Variants in SEMA3E observed in about 807,000 individuals in gnomAD.
SEMA3E encodes the protein semaphorin-3E.
A neutral mutation model predicts 93.6 loss-of-function variants in SEMA3E; 49 were observed. The observed-to-expected ratio is 0.52, with a 90% CI of 0.42 to 0.66. SEMA3E has a LOEUF of 0.66. SEMA3E is among the 30% of genes least tolerant of loss of function. SEMA3E has a pLI of 0.00. For missense variants in SEMA3E, 906 were observed against 964.8 expected (o/e 0.94, Z 0.81); for synonymous variants, 363 against 330.7 (o/e 1.10, Z -1.06).
chr7:83,372,553 TA>T (rs908098717), intron 16 of SEMA3E: 16 of 304,420 alleles, frequency 5.3e-5, no homozygotes, highest in Middle Eastern at 8.8e-4. Context: ...AAGCAGGGTT[TA>T]AAAAAAATCA....
chr7:83,581,223 C>A (rs1251469604), intron 1 of SEMA3E, among the ~76,000 whole-genome samples: 3 of 151,976 alleles, frequency 2.0e-5, no homozygotes, highest in African/African-American at 4.8e-5. Context: ...TAAAACTCAA[C>A]ACGTATTTAC....
rs1474345836 is a variant in SEMA3E at position 83,566,181 on chromosome 7, T to G, written c.116-75907A>C. On this transcript the variant is annotated intron_variant, in intron 1 of 16. Coordinates refer to ENST00000643230, the MANE Select transcript of SEMA3E (RefSeq NM_012431.3). ...CCTGGCTATTTTTTTTTTTTTTTTG[T>G]ACTTTTAGTAGAGACGGGGTTTTAC... Among the ~76,000 whole-genome samples, 48 of 144,782 alleles carry G rather than the reference T, an allele frequency of 3.3e-4. 3 individuals carry two copies. The East Asian group carries it at 9.4e-3, about 28-fold the overall frequency. 95.0% of individuals were successfully genotyped at this position (144,782 alleles called of 152,430 possible).
At chr7:83,442,634 C>T (rs1018129797) in intron 4 of SEMA3E, among the ~76,000 whole-genome samples, 2 of 152,140 alleles carry the variant, frequency 1.3e-5, no homozygotes, top group Admixed American at 6.5e-5. Context: ...CTGCTATACT[C>T]GGGGTCAGGT....
At chr7:83,594,924 G>A (rs80106903) in intron 1 of SEMA3E, among the ~76,000 whole-genome samples, 40,529 of 150,548 alleles carry the variant, frequency 0.27, 5,878 homozygotes, top group East Asian at 0.39. Context: ...TTATGTTTGG[G>A]GAGGGCTGAG....
intron 16 of SEMA3E, among the ~76,000 whole-genome samples, chr7:83,372,492 A>C (rs375372978): frequency 6.6e-6 from 1 of 152,162 alleles, no homozygotes; most frequent in East Asian, 1.9e-4. Context: ...TGACCACTAG[A>C]ATTAGGGTTG....
chr7:83,545,855 A>T (rs1791639472), intron 1 of SEMA3E, among the ~76,000 whole-genome samples: 2 of 146,336 alleles, frequency 1.4e-5, no homozygotes, highest in South Asian at 4.2e-4. Context: ...AGTATGACGG[A>T]TATCTATATA....
rs908197392 is a variant in SEMA3E at position 83,367,232 on chromosome 7, T to G, written c.*354A>C. 4.2e-6 allele frequency: 1 copy of G among 236,000 alleles called. No homozygotes were observed. Among genetic ancestry groups the G allele is most frequent in the South Asian group, 6.0e-5 (1 of 16,790 alleles). 14.6% of individuals were successfully genotyped at this position (236,000 alleles called of 1,614,324 possible). A position where few individuals can be genotyped will look rare whatever the true frequency, so the allele number is the denominator to read the frequency against. On this transcript the variant is annotated 3_prime_UTR_variant, in exon 17 of 17. Transcript: ENST00000643230. ...AACATATTTAGTTTTATATTTACCA[T>G]GATTATAAGTCTCCAATTTTTCTTC...
chr7:83,441,162 G>C (rs973219744), intron 4 of SEMA3E, among the ~76,000 whole-genome samples: 1 of 152,118 alleles, frequency 6.6e-6, no homozygotes, highest in Non-Finnish European at 1.5e-5. Flanking sequence ...AAATGGATTA[G>C]AAAAACAGTT....
At chr7:83,473,771 T>C (rs549134952) in intron 2 of SEMA3E, among the ~76,000 whole-genome samples, 2 of 152,016 alleles carry the variant, frequency 1.3e-5, no homozygotes, top group Admixed American at 1.3e-4. Context: ...AAATCTCATA[T>C]TTGTTTGAAT....
intron 1 of SEMA3E, among the ~76,000 whole-genome samples, chr7:83,502,751 CTT>C (rs775666677): frequency 2.3e-4 from 35 of 152,082 alleles, no homozygotes; most frequent in Non-Finnish European, 4.6e-4. Context: ...TGTTTTCTCT[CTT>C]CTGACAAGGA....
chr7:83,626,469 T>TC (rs1245295018), intron 1 of SEMA3E, among the ~76,000 whole-genome samples: 2 of 152,158 alleles, frequency 1.3e-5, no homozygotes, highest in Non-Finnish European at 2.9e-5. Flanking sequence ...TCCATTTTTT[T>TC]CTAGATTTTC....
chr7:83,614,286 G>C (rs564593329), intron 1 of SEMA3E, among the ~76,000 whole-genome samples: 2 of 152,140 alleles, frequency 1.3e-5, no homozygotes, highest in East Asian at 1.9e-4. Flanking sequence ...TTTATTCCCC[G>C]TTCAGCACTA....
At chr7:83,570,649 G>A (rs910051067) in intron 1 of SEMA3E, among the ~76,000 whole-genome samples, 6 of 149,346 alleles carry the variant, frequency 4.0e-5, no homozygotes, top group African/African-American at 1.5e-4. Context: ...AACCAAGCCC[G>A]AAGTTAGCAG....
chr7:83,441,705 G>T (rs955967347), intron 4 of SEMA3E, among the ~76,000 whole-genome samples: 32 of 152,062 alleles, frequency 2.1e-4, no homozygotes, highest in Non-Finnish European at 1.2e-4. Context: ...AGAGTAACCT[G>T]CCCCATGTTA....
chr7:83,438,999 G>A (rs1255371240), intron 4 of SEMA3E, among the ~76,000 whole-genome samples: 1 of 152,146 alleles, frequency 6.6e-6, no homozygotes, highest in Non-Finnish European at 1.5e-5. Context: ...TGACCACATA[G>A]AATGGAGCAG....
rs116313665 is a variant in SEMA3E at position 83,619,850 on chromosome 7, A to G, written c.115+28578T>C. ...TTAACTGTGGGTAATATAAATATAT[A>G]CCTGTGTACCTGTGGACAGAGATAG... On this transcript the variant is annotated intron_variant, in intron 1 of 16. Transcript: ENST00000643230. Among the ~76,000 whole-genome samples, 1,122 of 151,870 alleles carry G rather than the reference A, an allele frequency of 7.4e-3. 12 individuals are homozygous for G. Among genetic ancestry groups the G allele is most frequent in the African/African-American group, 0.026 (1,065 of 41,462 alleles).
chr7:83,434,602 T>C (rs1329419815), intron 4 of SEMA3E, among the ~76,000 whole-genome samples: 1 of 152,006 alleles, frequency 6.6e-6, no homozygotes, highest in Non-Finnish European at 1.5e-5. Flanking sequence ...ATGTGCACAA[T>C]AAACCAAATT....
At chr7:83,539,208 C>T (rs371284305) in intron 1 of SEMA3E, among the ~76,000 whole-genome samples, 107 of 152,240 alleles carry the variant, frequency 7.0e-4, no homozygotes, top group African/African-American at 2.3e-3. Flanking sequence ...TCTGGGAGCC[C>T]AGGGGGAAGC....
chr7:83,609,460 GCTTAA>G (rs1156367673), intron 1 of SEMA3E, among the ~76,000 whole-genome samples: 1 of 151,854 alleles, frequency 6.6e-6, no homozygotes, highest in East Asian at 1.9e-4. Flanking sequence ...GTACATTTCT[GCTTAA>G]CTTATTTTAA....
Sources: allele counts gnomAD v4.1 joint callset (sites outside exome capture counted in the v4.1 genomes callset), GRCh38; gene constraint gnomAD v4.1.1; transcripts MANE v1.5; gene names NCBI Gene and HGNC (gene_info 2026-07-23, HGNC 2026-07-21).